CDH18: variants seen among roughly 807,000 people sequenced by gnomAD.
The protein encoded by CDH18 is cadherin-18.
CDH18 carries 31 observed loss-of-function variants against 67.9 expected under a neutral mutation model. The ratio of observed to expected loss-of-function variants is 0.46; its 90% CI spans 0.34 to 0.62. The LOEUF (loss-of-function observed/expected upper bound fraction) is 0.62. CDH18 is among the 20% of genes least tolerant of loss of function. The probability of loss-of-function intolerance (pLI) is 0.01; values close to 1 mark genes in which losing one functional copy is unlikely to be tolerated. For synonymous variants in CDH18, 362 were observed against 347.2 expected, an observed-to-expected ratio of 1.04 and a Z score of -0.48; for missense variants, 890 against 975.5, an observed-to-expected ratio of 0.91 and a Z score of 1.17.
intron 11 of CDH18, among the ~76,000 whole-genome samples, chr5:19,499,662 A>C (rs1742913596): frequency 6.6e-6 from 1 of 152,218 alleles, no homozygotes; most frequent in Admixed American, 6.5e-5. Flanking sequence ...TTTTGAAGTA[A>C]CAAAAGCATT....
intron 2 of CDH18, among the ~76,000 whole-genome samples, chr5:20,102,007 G>A (rs1746509515): frequency 6.6e-6 from 1 of 152,084 alleles, no homozygotes; most frequent in African/African-American, 2.4e-5. Context: ...GGAGGCAGAG[G>A]TTGCAGTGAG....
At chr5:19,685,297 ACTCTACTAGACACCTTTC>A (rs1248513676) in intron 5 of CDH18, among the ~76,000 whole-genome samples, 2 of 152,082 alleles carry the variant, frequency 1.3e-5, no homozygotes, top group Admixed American at 6.6e-5. Flanking sequence ...TGGTCAGGTG[ACTCTACTAGACACCTTTC>A]CTCTACTAGA....
intron 2 of CDH18, among the ~76,000 whole-genome samples, chr5:20,203,581 A>AAGAGAGAGAGAGAGAGAG (rs57913549): frequency 1.4e-5 from 2 of 145,582 alleles, no homozygotes; most frequent in East Asian, 2.0e-4. Flanking sequence ...GTGGAGGGAA[A>AAGAGAGAGAGAGAGAGAG]AGAGAGAGAG....
At chr5:19,986,733 TCTA>T (rs947420216) in intron 1 of CDH18, among the ~76,000 whole-genome samples, 2 of 152,228 alleles carry the variant, frequency 1.3e-5, no homozygotes, top group African/African-American at 4.8e-5. Context: ...GAACTCATTA[TCTA>T]CGAGTATCAC....
At chr5:19,567,727 T>C (rs1039897657) in intron 8 of CDH18, among the ~76,000 whole-genome samples, 4 of 152,194 alleles carry the variant, frequency 2.6e-5, no homozygotes, top group Non-Finnish European at 4.4e-5. Flanking sequence ...GCAGGATTCA[T>C]TTTAGTTCTC....
intron 1 of CDH18, among the ~76,000 whole-genome samples, chr5:20,537,296 A>G (rs1756779502): frequency 2.0e-5 from 3 of 152,178 alleles, no homozygotes; most frequent in Admixed American, 2.0e-4. Flanking sequence ...AGTTGCAACA[A>G]AATGTTTGTG....
intron 2 of CDH18, among the ~76,000 whole-genome samples, chr5:20,197,478 T>C (rs529309790): frequency 2.0e-5 from 3 of 152,324 alleles, no homozygotes; most frequent in South Asian, 2.1e-4. Flanking sequence ...TACGAATGCA[T>C]GCAAGAAGCT....
At chr5:20,197,781 A>G (rs979524774) in intron 2 of CDH18, among the ~76,000 whole-genome samples, 1 of 152,220 alleles carries the variant, frequency 6.6e-6, no homozygotes, top group Non-Finnish European at 1.5e-5. Flanking sequence ...TTAGAAAAAC[A>G]GCATTTGACT....
intron 1 of CDH18, among the ~76,000 whole-genome samples, chr5:20,409,598 C>T (rs1746594345): frequency 6.6e-6 from 1 of 151,318 alleles, no homozygotes; most frequent in Non-Finnish European, 1.5e-5. Context: ...AACTTTACAT[C>T]TCAACAAACA....
At chr5:19,710,459 C>T (rs543299156) in intron 5 of CDH18, among the ~76,000 whole-genome samples, 2 of 152,094 alleles carry the variant, frequency 1.3e-5, no homozygotes, top group South Asian at 2.1e-4. Flanking sequence ...ACATGTAAAA[C>T]ATGTTGTTTT....
chr5:20,528,120 T>C (rs545880678), intron 1 of CDH18, among the ~76,000 whole-genome samples: 1 of 152,092 alleles, frequency 6.6e-6, no homozygotes, highest in East Asian at 1.9e-4. Context: ...TCCTAGTTTC[T>C]GACAAAAGGT....
At chr5:20,478,562 T>C (rs1752588288) in intron 1 of CDH18, among the ~76,000 whole-genome samples, 1 of 152,156 alleles carries the variant, frequency 6.6e-6, no homozygotes, top group Admixed American at 6.5e-5. Context: ...TTTGTCTTAC[T>C]TGAGTGCCAG....
At chr5:20,225,323 C>T (rs6888503) in intron 2 of CDH18, among the ~76,000 whole-genome samples, 1 of 151,860 alleles carries the variant, frequency 6.6e-6, no homozygotes, top group South Asian at 2.1e-4. Flanking sequence ...GTTTTTTATG[C>T]CTATACAAAA....
At chr5:20,172,079 T>C (rs1279996620) in intron 2 of CDH18, among the ~76,000 whole-genome samples, 1 of 148,494 alleles carries the variant, frequency 6.7e-6, no homozygotes, top group Non-Finnish European at 1.5e-5. Context: ...AACTGAAACG[T>C]TTAGTAACAA....
chr5:19,637,014 A>G (rs1352628410), intron 5 of CDH18, among the ~76,000 whole-genome samples: 1 of 152,180 alleles, frequency 6.6e-6, no homozygotes, highest in Non-Finnish European at 1.5e-5. Flanking sequence ...AATTGAATCC[A>G]AACTATCTGT....
chr5:19,528,392 T>C (rs922512963), intron 9 of CDH18, among the ~76,000 whole-genome samples: 3 of 151,780 alleles, frequency 2.0e-5, no homozygotes, highest in African/African-American at 7.2e-5. Flanking sequence ...TTTCTGGGTG[T>C]GCAATCTAAT....
At position 19,687,426 on chromosome 5, in the gene CDH18, T is replaced by C. The variant is rs559184814; in HGVS notation, c.643+33921A>G. Among the ~76,000 whole-genome samples the C allele has an allele frequency of 2.1e-3, 323 of 152,300 alleles. 1 individual carries two copies. Among genetic ancestry groups the C allele is most frequent in the Non-Finnish European group, 3.3e-3 (226 of 68,024 alleles). On this transcript the variant is annotated intron_variant, in intron 5 of 12. Coordinates refer to ENST00000382275, the MANE Select transcript of CDH18 (RefSeq NM_004934.5). ...ATTCACACAGAGGACTACAGTGGCATGACATCAGTTACACCCACTGGAATG... is the reference window on the plus strand; with the variant it reads ...ATTCACACAGAGGACTACAGTGGCACGACATCAGTTACACCCACTGGAATG...
intron 7 of CDH18, among the ~76,000 whole-genome samples, chr5:19,590,666 G>A (rs1028687499): frequency 2.6e-5 from 4 of 152,034 alleles, no homozygotes; most frequent in East Asian, 1.9e-4. Context: ...AGCCCCCTTC[G>A]TCATCCTCTC....
At chr5:19,905,761 T>G (rs927411198) in intron 2 of CDH18, among the ~76,000 whole-genome samples, 1 of 151,876 alleles carries the variant, frequency 6.6e-6, no homozygotes, top group African/African-American at 2.4e-5. Context: ...TAAAATCAAT[T>G]TTAAAAATCA....
Sources: gnomAD v4.1 joint callset for allele counts (sites outside exome capture counted in the v4.1 genomes callset) on GRCh38, gnomAD v4.1.1 for gene constraint, MANE v1.5 for transcripts, NCBI Gene and HGNC (gene_info 2026-07-23, HGNC 2026-07-21) for gene names.